TPST1: variants seen among roughly 807,000 people sequenced by gnomAD.
TPST1 encodes tyrosylprotein sulfotransferase 1, also known as protein-tyrosine sulfotransferase 1.
TPST1 carries 20 observed loss-of-function variants against 34.8 expected under a neutral mutation model. The ratio of observed to expected loss-of-function variants is 0.57; its 90% confidence interval spans 0.40 to 0.84. TPST1 has a LOEUF of 0.84. Among genes scored for constraint, TPST1 ranks in the 40% least tolerant of loss-of-function variants. TPST1 has a pLI of 0.00. For missense variants in TPST1, 353 were observed against 455.5 expected (o/e 0.78, Z 2.05); for synonymous variants, 152 against 159.4 (o/e 0.95, Z 0.35).
intron 2 of TPST1, among the ~76,000 whole-genome samples, chr7:66,283,232 G>C (rs930668104): frequency 2.0e-5 from 3 of 152,152 alleles, no homozygotes; most frequent in African/African-American, 7.2e-5. Flanking sequence ...CTGCACTCCA[G>C]CCTGGGTGAC....
chr7:66,302,339 G>A (rs1487774642), intron 3 of TPST1, among the ~76,000 whole-genome samples: 2 of 152,176 alleles, frequency 1.3e-5, no homozygotes, highest in Non-Finnish European at 2.9e-5. Flanking sequence ...AGGCAGTTGG[G>A]TTGAAGATTA....
chr7:66,232,732 T>C (rs578180858), intron 1 of TPST1, among the ~76,000 whole-genome samples: 29 of 152,326 alleles, frequency 1.9e-4, no homozygotes, highest in Non-Finnish European at 4.0e-4. Flanking sequence ...TGTCTCACAC[T>C]CCTGGGCTCA....
intron 2 of TPST1, among the ~76,000 whole-genome samples, chr7:66,245,784 T>C (rs1338251882): frequency 6.6e-6 from 1 of 152,200 alleles, no homozygotes; most frequent in Non-Finnish European, 1.5e-5. Flanking sequence ...CACAAAGATA[T>C]GAGCATTAAT....
At chr7:66,302,402 A>C (rs1476011134) in intron 3 of TPST1, among the ~76,000 whole-genome samples, 2 of 152,232 alleles carry the variant, frequency 1.3e-5, no homozygotes, top group Non-Finnish European at 2.9e-5. Flanking sequence ...CTGGAACCCA[A>C]GCACCACACA....
chr7:66,342,717 G>A (rs776853802), intron 3 of TPST1, among the ~76,000 whole-genome samples: 4 of 152,164 alleles, frequency 2.6e-5, no homozygotes, highest in Non-Finnish European at 4.4e-5. Flanking sequence ...GAGCAAGAGA[G>A]AGAGGGGAGG....
intron 3 of TPST1, among the ~76,000 whole-genome samples, chr7:66,334,906 G>A (rs1338365317): frequency 2.6e-5 from 4 of 152,118 alleles, no homozygotes; most frequent in South Asian, 2.1e-4. Context: ...GCCCACTCCC[G>A]TCCCATCAGG....
At chr7:66,356,144 C>T (rs557647301) in intron 4 of TPST1, among the ~76,000 whole-genome samples, 12 of 152,234 alleles carry the variant, frequency 7.9e-5, no homozygotes, top group African/African-American at 2.9e-4. Flanking sequence ...TCAGCAGAAA[C>T]TCATAGAACC....
chr7:66,224,845 T>A (rs1202908688), intron 1 of TPST1, among the ~76,000 whole-genome samples: 1 of 151,840 alleles, frequency 6.6e-6, no homozygotes, highest in Non-Finnish European at 1.5e-5. Flanking sequence ...TATTGCAGTG[T>A]TTCAGTGCTT....
At chr7:66,206,202 T>G (rs1789127421) in intron 1 of TPST1, among the ~76,000 whole-genome samples, 1 of 151,430 alleles carries the variant, frequency 6.6e-6, no homozygotes, top group Non-Finnish European at 1.5e-5. Context: ...CAAGCTATCC[T>G]TCTGCCTCGG....
At position 66,217,594 on chromosome 7, in the gene TPST1, G is replaced by A. The variant is rs534596433; in HGVS notation, c.-102+12072G>A. 7.3e-4 allele frequency among the ~76,000 whole-genome samples: 111 copies of A among 151,876 alleles called. 2 individuals carry two copies. The South Asian group carries it at 0.021, about 29-fold the overall frequency. ...TAACACATCATTTATTTATTTATTTGTTTGTTTGTTTGTTTGTTTGAGATG... is the reference window on the plus strand; with the variant it reads ...TAACACATCATTTATTTATTTATTTATTTGTTTGTTTGTTTGTTTGAGATG... On this transcript the variant is annotated intron_variant, in intron 1 of 5. Coordinates refer to ENST00000304842, the MANE Select transcript of TPST1 (RefSeq NM_003596.4).
At chr7:66,212,252 G>T (rs757076310) in intron 1 of TPST1, among the ~76,000 whole-genome samples, 4 of 152,102 alleles carry the variant, frequency 2.6e-5, no homozygotes, top group Non-Finnish European at 5.9e-5. Context: ...TTTGATAAAA[G>T]ATCTTGAACA....
At chr7:66,335,224 G>A (rs564940867) in intron 3 of TPST1, among the ~76,000 whole-genome samples, 1 of 152,282 alleles carries the variant, frequency 6.6e-6, no homozygotes, top group African/African-American at 2.4e-5. Flanking sequence ...GGGAGGCCAA[G>A]TTGGGTGGAT....
At chr7:66,221,196 A>C (rs775308149) in intron 1 of TPST1, among the ~76,000 whole-genome samples, 3 of 152,096 alleles carry the variant, frequency 2.0e-5, no homozygotes, top group Non-Finnish European at 4.4e-5. Context: ...AGAAGTCAGA[A>C]CTCAGACCAT....
chr7:66,253,588 G>GTC lies in TPST1; in HGVS notation c.845+12327_845+12328dup, dbSNP rs369360604. On this transcript the variant is annotated intron_variant, in intron 2 of 5. Transcript: ENST00000304842. Reference sequence around the variant, plus strand: ...GGATTTCACCGTGTTAACCAGGATGGTCTCTCTCTCCTGACCTTGTGATCC... The same window carrying GTC: ...GGATTTCACCGTGTTAACCAGGATGGTCTCTCTCTCTCCTGACCTTGTGATCC... Among the ~76,000 whole-genome samples the GTC allele has an allele frequency of 2.0e-5, 3 of 151,452 alleles. No homozygotes were observed. The East Asian group carries it at 6.0e-4, about 30-fold the overall frequency.
intron 2 of TPST1, among the ~76,000 whole-genome samples, chr7:66,272,612 A>G (rs1259642130): frequency 6.8e-6 from 1 of 147,660 alleles, no homozygotes; most frequent in Non-Finnish European, 1.5e-5. Flanking sequence ...TTTCTGAGAC[A>G]TGGTTTCACT....
chr7:66,352,701 A>G, intron 4 of TPST1, 146 bp downstream of exon 4: 1 of 1,482,774 alleles, frequency 6.7e-7, no homozygotes, highest in Non-Finnish European at 8.9e-7. Context: ...TGTGCTGGGG[A>G]AGAAAGATCA....
intron 2 of TPST1, among the ~76,000 whole-genome samples, chr7:66,283,152 T>G (rs1158658086): frequency 6.6e-6 from 1 of 152,002 alleles, no homozygotes; most frequent in South Asian, 2.1e-4. Flanking sequence ...CCCCAGCTAC[T>G]CAGGAGGCTG....
the TPST1 span, among the ~76,000 whole-genome samples, chr7:66,199,576 G>T: frequency 6.6e-6 from 1 of 151,926 alleles, no homozygotes; most frequent in Non-Finnish European, 1.5e-5. Flanking sequence ...TTACAGTCGT[G>T]AGCCACTGCA....
chr7:66,258,900 T>A (rs887491407), intron 2 of TPST1, among the ~76,000 whole-genome samples: 1 of 152,120 alleles, frequency 6.6e-6, no homozygotes, highest in Non-Finnish European at 1.5e-5. Context: ...TTTCTCAGGG[T>A]TTTTTGTTTT....
Sources: gnomAD v4.1 joint callset for allele counts (sites outside exome capture counted in the v4.1 genomes callset) on GRCh38, gnomAD v4.1.1 for gene constraint, MANE v1.5 for transcripts, NCBI Gene and HGNC (gene_info 2026-07-23, HGNC 2026-07-21) for gene names.